Variants in ANKS1B observed in about 807,000 individuals in gnomAD.
The protein encoded by ANKS1B is ankyrin repeat and sterile alpha motif domain containing 1B, also known as ankyrin repeat and sterile alpha motif domain-containing protein 1B.
ANKS1B carries 36 observed loss-of-function variants against 148.3 expected under a neutral mutation model. The ratio of observed to expected loss-of-function variants is 0.24; its 90% CI spans 0.19 to 0.32. The LOEUF is 0.32. ANKS1B is among the 10% of genes least tolerant of loss of function. The pLI is 1.00. For synonymous variants in ANKS1B, 542 were observed against 560.8 expected (o/e 0.97, Z 0.47); for missense variants, 1,157 against 1,542.6 (o/e 0.75, Z 4.19).
At chr12:99,842,151 T>G (rs920398948) in intron 1 of ANKS1B, among the ~76,000 whole-genome samples, 1 of 152,104 alleles carries the variant, frequency 6.6e-6, no homozygotes, top group African/African-American at 2.4e-5. Flanking sequence ...TGACGAGTTA[T>G]TTTTCATTTC....
At chr12:98,806,704 AGTT>A (rs750708898) in intron 20 of ANKS1B, among the ~76,000 whole-genome samples, 2 of 152,228 alleles carry the variant, frequency 1.3e-5, no homozygotes, top group Non-Finnish European at 2.9e-5. Context: ...AGGATGTTGT[AGTT>A]GTTCTTTCAA....
At chr12:99,528,028 T>C (rs948566069) in intron 9 of ANKS1B, among the ~76,000 whole-genome samples, 1 of 151,734 alleles carries the variant, frequency 6.6e-6, no homozygotes, top group East Asian at 1.9e-4. Flanking sequence ...AGTAGACACA[T>C]AGACAAGCAG....
chr12:99,500,989 C>T (rs773771841), intron 10 of ANKS1B, among the ~76,000 whole-genome samples: 24 of 152,114 alleles, frequency 1.6e-4, no homozygotes, highest in Non-Finnish European at 3.2e-4. Flanking sequence ...TTCACTATAT[C>T]TCCCTTCAGC....
At chr12:99,580,166 A>C (rs112579912) in intron 9 of ANKS1B, among the ~76,000 whole-genome samples, 1 of 152,094 alleles carries the variant, frequency 6.6e-6, no homozygotes, top group Non-Finnish European at 1.5e-5. Context: ...ATAGACACAA[A>C]GCAGGGAACA....
intron 14 of ANKS1B, among the ~76,000 whole-genome samples, chr12:99,229,620 C>T (rs2086506859): frequency 6.6e-6 from 1 of 151,918 alleles, no homozygotes; most frequent in Non-Finnish European, 1.5e-5. Flanking sequence ...ACACTGGTCA[C>T]TTAATTCTTC....
intron 16 of ANKS1B, among the ~76,000 whole-genome samples, chr12:99,057,731 AG>A (rs1159711212): frequency 6.7e-6 from 1 of 149,502 alleles, no homozygotes; most frequent in Non-Finnish European, 1.5e-5. Flanking sequence ...GTGAAGTGTC[AG>A]TGTGGTGGTT....
At chr12:99,644,162 G>T (rs2098336713) in intron 9 of ANKS1B, among the ~76,000 whole-genome samples, 1 of 152,054 alleles carries the variant, frequency 6.6e-6, no homozygotes, top group Admixed American at 6.6e-5. Flanking sequence ...TACTAGATCT[G>T]CTTTGCACAT....
chr12:99,138,968 TTC>T (rs1012966006), intron 15 of ANKS1B, among the ~76,000 whole-genome samples: 10 of 151,504 alleles, frequency 6.6e-5, no homozygotes, highest in African/African-American at 2.2e-4. Flanking sequence ...TTTTTTCTTT[TTC>T]TCTCTGTCTC....
intron 17 of ANKS1B, among the ~76,000 whole-genome samples, chr12:98,921,975 CAA>C (rs2099802005): frequency 6.6e-6 from 1 of 152,142 alleles, no homozygotes; most frequent in African/African-American, 2.4e-5. Flanking sequence ...TAACCTCAAA[CAA>C]ATGTGAGGGC....
At chr12:99,161,066 CT>C (rs913160036) in intron 14 of ANKS1B, among the ~76,000 whole-genome samples, 2 of 152,130 alleles carry the variant, frequency 1.3e-5, no homozygotes, top group African/African-American at 4.8e-5. Context: ...TTTTCTAGTT[CT>C]GTGAAAATGG....
chr12:99,595,422 AT>A (rs529598936), intron 9 of ANKS1B, among the ~76,000 whole-genome samples: 4 of 151,928 alleles, frequency 2.6e-5, no homozygotes, highest in Non-Finnish European at 5.9e-5. Flanking sequence ...TTGCCTGTAT[AT>A]TTTATATATT....
intron 1 of ANKS1B, among the ~76,000 whole-genome samples, chr12:99,834,367 T>C (rs918520652): frequency 1.3e-5 from 2 of 152,218 alleles, no homozygotes; most frequent in Non-Finnish European, 2.9e-5. Flanking sequence ...CCATTTCTTA[T>C]GCCTACTTGT....
At chr12:99,958,524 G>A (rs977293544) in intron 1 of ANKS1B, among the ~76,000 whole-genome samples, 1 of 151,860 alleles carries the variant, frequency 6.6e-6, no homozygotes, top group Non-Finnish European at 1.5e-5. Context: ...CTGGGACTAC[G>A]GGCATGCACC....
chr12:99,852,518 GA>G (rs1279678366), intron 1 of ANKS1B, among the ~76,000 whole-genome samples: 1 of 152,152 alleles, frequency 6.6e-6, no homozygotes, highest in Non-Finnish European at 1.5e-5. Context: ...GCATTTCTCA[GA>G]AAATGTATGT....
At chr12:99,030,511 G>GT (rs2099951439) in intron 17 of ANKS1B, among the ~76,000 whole-genome samples, 1 of 150,252 alleles carries the variant, frequency 6.7e-6, no homozygotes, top group Non-Finnish European at 1.5e-5. Context: ...TCCAGCTGTA[G>GT]TTTTTTCTCC....
At chr12:98,943,796 G>A (rs559211739) in intron 17 of ANKS1B, among the ~76,000 whole-genome samples, 1 of 152,176 alleles carries the variant, frequency 6.6e-6, no homozygotes, top group Non-Finnish European at 1.5e-5. Flanking sequence ...CAAATTCTGG[G>A]GAGTGGGATG....
chr12:99,230,592 T>C (rs1295736847), intron 14 of ANKS1B, among the ~76,000 whole-genome samples: 1 of 152,200 alleles, frequency 6.6e-6, no homozygotes, highest in African/African-American at 2.4e-5. Flanking sequence ...TTTAGAATAC[T>C]AGAGAATCTC....
chr12:99,648,081 C>CT, intron 9 of ANKS1B: 1 of 1,509,152 alleles, frequency 6.6e-7, no homozygotes. Context: ...GCTGGCCCAC[C>CT]TGCCAGAGTA....
intron 1 of ANKS1B, among the ~76,000 whole-genome samples, chr12:99,969,943 T>C (rs569486625): frequency 2.0e-5 from 3 of 152,130 alleles, no homozygotes; most frequent in African/African-American, 4.8e-5. Context: ...GGGGAAGACA[T>C]TGCAAGACTT....
Sources: gnomAD v4.1 joint callset for allele counts (sites outside exome capture counted in the v4.1 genomes callset) on GRCh38, gnomAD v4.1.1 for gene constraint, MANE v1.5 for transcripts, NCBI Gene and HGNC (gene_info 2026-07-23, HGNC 2026-07-21) for gene names.